Variants in TTN observed in about 807,000 individuals in gnomAD.
The protein encoded by TTN is connectin.
Under a neutral mutation model 3,223.0 loss-of-function variants are expected in TTN, and 1,525 were observed. The ratio of observed to expected loss-of-function variants is 0.47; its 90% confidence interval spans 0.45 to 0.49. The LOEUF is 0.49. Ranked by LOEUF, TTN falls within the 20% of genes least tolerant of loss-of-function variation. The probability of loss-of-function intolerance (pLI) is 0.00; values close to 1 mark genes in which losing one functional copy is unlikely to be tolerated. For synonymous variants in TTN, 14,094 were observed against 15,161.0 expected, an observed-to-expected ratio of 0.93 and a Z score of 5.17; for missense variants, 40,786 against 43,424.0, an observed-to-expected ratio of 0.94 and a Z score of 5.40.
chr2:178,575,528 G>A lies in TTN; in HGVS notation c.70604C>T (p.Pro23535Leu). 6.2e-7 allele frequency: 1 copy of A among 1,613,682 alleles called. No individual in the cohort carries two copies. The highest frequency in any genetic ancestry group is 1.7e-5 in the Admixed American group (1 of 60,008). The change falls in exon 326 of 363, where the codon CCA (proline) becomes CTA (leucine). Residue 23535 changes from proline to leucine, a missense_variant. Coordinates refer to ENST00000589042, the MANE Select transcript of TTN (RefSeq NM_001267550.2). The surrounding 1 kb of genome is among the most constrained non-coding windows in gnomAD (Gnocchi z 4.0). ...EPVKASEAPS[P>L]PDSLNIMDIT... The stretch of plus-strand genomic sequence containing the variant: ...GTCCATGATGTTAAGGCTGTCTGGT[G>A]GAGATGGTGCTTCAGAGGCTTTTAC...
In TTN at chr2:178,646,577, A is replaced by G; in HGVS notation, c.40223-18T>C. ...TTCACGTTCTTTAAAGAATGTTGAC[A>G]AAGGAGATGAGGTTGCAATGTAAAG... On this transcript the variant is annotated intron_variant, in intron 215 of 362. Transcript: ENST00000589042. 2.0e-6 allele frequency: 3 copies of G among 1,473,944 alleles called. No individual in the cohort carries two copies. Among genetic ancestry groups the G allele is most frequent in the East Asian group, 2.5e-5 (1 of 40,372 alleles). 91.3% of individuals were successfully genotyped at this position (1,473,944 alleles called of 1,614,324 possible).
Position 178,667,380 on chromosome 2 carries a change from A to C in TTN, c.35714-61T>G, listed in dbSNP as rs2066148263. On this transcript the variant is annotated intron_variant, in intron 161 of 362. Transcript: ENST00000589042. Reference sequence around the variant, plus strand: ...GTAAAAACAGTAAATTATAAAAAGCATGCAATGTTTGAGTCATAAAGCTAA... The same window carrying C: ...GTAAAAACAGTAAATTATAAAAAGCCTGCAATGTTTGAGTCATAAAGCTAA... 12 of 1,571,918 alleles carry C rather than the reference A, an allele frequency of 7.6e-6. No homozygotes were observed. In the South Asian group the frequency reaches 1.3e-4, roughly 17 times the overall value.
rs1452074226 is a variant in TTN at position 178,693,941 on chromosome 2, C to T, written c.31494G>A (p.Glu10498=). ...TTATACCTGTGACTGACACCTCCTC[C>T]TCTGTGTGAGAAGCAAAGAACATCT... is the stretch of plus-strand genomic sequence containing the variant. ...EEKMFFASHT[E]EEVSVTVPEV... Residue 10498 remains glutamate, a synonymous_variant, in exon 118 of 363, where the codon GAG becomes GAA. Coordinates refer to ENST00000589042, the MANE Select transcript of TTN (RefSeq NM_001267550.2). 2.5e-6 allele frequency: 4 copies of T among 1,613,016 alleles called. No homozygotes were observed. The highest frequency in any genetic ancestry group is 3.4e-6 in the Non-Finnish European group (4 of 1,179,382).
chr2:178,683,067 A>G, intron 134 of TTN, 144 bp downstream of exon 134: 1 of 928,858 alleles, frequency 1.1e-6, no homozygotes, highest in African/African-American at 1.7e-5. Flanking sequence ...CATAGAGTAT[A>G]TTTAGCAATT....
Position 178,747,201 on chromosome 2 carries a change from C to T in TTN, c.11312-5280G>A, listed in dbSNP as rs746630029. ...GTGGAGTATCTCTCTAGAGTCTCTC[C>T]TGGAGGTGTGGAGTATCTCTCTAGT... On this transcript the variant is annotated intron_variant, in intron 47 of 362. Transcript: ENST00000589042. The T allele has an allele frequency of 3.1e-6, 5 of 1,611,342 alleles. No individual in the cohort carries two copies. The African/African-American group carries it at 6.7e-5, about 22-fold the overall frequency.
At position 178,776,978 on chromosome 2, in the gene TTN, G is replaced by A; in HGVS notation, c.4886C>T (p.Thr1629Ile). Residue 1629 changes from threonine to isoleucine, a missense_variant, in exon 28 of 363, where the codon ACT becomes ATT. By Grantham distance (89) the Thr-to-Ile change is moderately conservative (BLOSUM62 -1). Coordinates refer to ENST00000589042, the MANE Select transcript of TTN (RefSeq NM_001267550.2). ...STVSQDSAWY[T>I]ATAINKAGRD... ...GCCAGCTTTATTAATAGCAGTCGCA[G>A]TATACCAGGCAGAATCTTGGCTGAC... The A allele has an allele frequency of 6.2e-7, 1 of 1,614,020 alleles. No individual in the cohort carries two copies. The highest frequency in any genetic ancestry group is 8.5e-7 in the Non-Finnish European group (1 of 1,179,986).
chr2:178,697,332 C>A (rs140042826), intron 112 of TTN, among the ~76,000 whole-genome samples, 164 bp from the exon 113 acceptor site: 132 of 152,210 alleles, frequency 8.7e-4, no homozygotes, highest in African/African-American at 2.0e-3. Flanking sequence ...ATTTCCAAAT[C>A]TAGCTCATTA....
At position 178,717,615 on chromosome 2, in the gene TTN, A is replaced by G; in HGVS notation, c.25259T>C (p.Leu8420Ser). Residue 8420 changes from leucine (L) to serine (S), a missense_variant, in exon 87 of 363, where the codon TTA becomes TCA. Coordinates refer to ENST00000589042, the MANE Select transcript of TTN (RefSeq NM_001267550.2). ...CCCTATGTGGCTCTGGTCAGTTTGT[A>G]AAATCTGAAGAGTTGCTACATTATG... ...FVHNVATLQI[L>S]QTDQSHIGQY... 2 of 1,613,314 alleles carry G rather than the reference A, an allele frequency of 1.2e-6. No individual in the cohort carries two copies. The highest frequency in any genetic ancestry group is 1.7e-6 in the Non-Finnish European group (2 of 1,179,544).
chr2:178,733,902 G>A lies in TTN; in HGVS notation c.15497-10C>T. ...ACAAAGGTTGGAGGTTCTAGTTAAG[G>A]AAAGAGAGCATATAAAACATATCAA... On this transcript the variant is annotated splice_polypyrimidine_tract_variant and intron_variant, in intron 52 of 362. Coordinates refer to ENST00000589042, the MANE Select transcript of TTN (RefSeq NM_001267550.2). 1.3e-6 allele frequency: 2 copies of A among 1,573,664 alleles called. No individual in the cohort carries two copies. The highest frequency in any genetic ancestry group is 1.7e-6 in the Non-Finnish European group (2 of 1,158,536).
chr2:178,768,875 A>G lies in TTN; in HGVS notation c.8961T>C (p.Thr2987=). 6.2e-7 allele frequency: 1 copy of G among 1,614,090 alleles called. No homozygotes were observed. The highest frequency in any genetic ancestry group is 8.5e-7 in the Non-Finnish European group (1 of 1,179,988). The part of the protein sequence containing the change: ...DINAEEKDTI[T]FEVTVNYEGI... ...CTTCATAGTTCACTGTCACCTCAAA[A>G]GTAATAGTGTCTTTTTCTTCAGCGT... The change falls in exon 38 of 363, where the codon ACT becomes ACC. Residue 2987 remains threonine, a synonymous_variant. Coordinates refer to ENST00000589042, the MANE Select transcript of TTN (RefSeq NM_001267550.2).
chr2:178,732,769 A>G, intron 55 of TTN, 51 bp from the exon 56 acceptor site: 1 of 1,564,098 alleles, frequency 6.4e-7, no homozygotes, highest in East Asian at 2.3e-5. Context: ...GGGTTGATCT[A>G]AGGGAAGATG....
chr2:178,575,914 G>C lies in TTN; in HGVS notation c.70218C>G (p.Asn23406Lys), dbSNP rs757600380. ...SFTLLIIPEC[N>K]RYDTGKFVMT... ...TGACAAATTTACCGGTATCATATCT[G>C]TTACATTCTGGGATAATCAGAAGAG... Residue 23406 changes from asparagine (N) to lysine (K), a missense_variant, in exon 326 of 363, where the codon AAC (asparagine) becomes AAG (lysine). Physicochemically the swap from Asn to Lys is moderately conservative, Grantham distance 94 (BLOSUM62 0). Transcript: ENST00000589042. This position sits in a 1 kb window ranked among gnomAD's most constrained non-coding sequence, Gnocchi z 4.0. The C allele has an allele frequency of 6.2e-7, 1 of 1,613,512 alleles. No individual in the cohort carries two copies. The highest frequency in any genetic ancestry group is 2.2e-5 in the East Asian group (1 of 44,824).
chr2:178,691,949 A>G, intron 121 of TTN, 67 bp downstream of exon 121: 2 of 1,331,280 alleles, frequency 1.5e-6, no homozygotes, highest in Admixed American at 2.0e-5. Flanking sequence ...AGTACATATG[A>G]AGATCGTAGA....
intron 343 of TTN, 23 bp downstream of exon 343, chr2:178,545,797 T>G: frequency 6.2e-7 from 1 of 1,605,144 alleles, no homozygotes; most frequent in South Asian, 1.1e-5. Flanking sequence ...ACTGTCAAAT[T>G]ATTTAAAAGT....
chr2:178,577,632 T>A lies in TTN; in HGVS notation c.68794A>T (p.Thr22932Ser). 3 of 1,612,004 alleles carry A rather than the reference T, an allele frequency of 1.9e-6. No individual in the cohort carries two copies. The highest frequency in any genetic ancestry group is 2.5e-6 in the Non-Finnish European group (3 of 1,179,042). Residue 22932 changes from threonine to serine, a missense_variant, in exon 323 of 363, where the codon ACA becomes TCA. Coordinates refer to ENST00000589042, the MANE Select transcript of TTN (RefSeq NM_001267550.2). ...AGAISAPSES[T>S]ETIICKDEYE... ...TCATCCTTGCAAATAATGGTTTCTGTACTTTCTGATGGAGCACTGATAGCA... is the reference window on the plus strand; with the variant it reads ...TCATCCTTGCAAATAATGGTTTCTGAACTTTCTGATGGAGCACTGATAGCA...
chr2:178,755,841 A>G (rs2086782769), intron 46 of TTN, among the ~76,000 whole-genome samples: 1 of 152,346 alleles, frequency 6.6e-6, no homozygotes, highest in South Asian at 2.1e-4. Flanking sequence ...TGCTATTAAA[A>G]CAATTAAACT....
At chr2:178,648,667 C>A (rs1461334010) in intron 213 of TTN, among the ~76,000 whole-genome samples, 1 of 152,168 alleles carries the variant, frequency 6.6e-6, no homozygotes, top group Non-Finnish European at 1.5e-5. Context: ...ACCTTGGCCT[C>A]CCCAAGTGTT....
chr2:178,627,850 G>A (rs898883331), intron 240 of TTN, among the ~76,000 whole-genome samples: 1 of 151,998 alleles, frequency 6.6e-6, no homozygotes, highest in Admixed American at 6.6e-5. Context: ...TATAAATCAT[G>A]AATTTGCAGA....
Position 178,727,235 on chromosome 2 carries a change from G to A in TTN, c.20130C>T (p.Ala6710=). 6.2e-7 allele frequency: 1 copy of A among 1,613,172 alleles called. No homozygotes were observed. The highest frequency in any genetic ancestry group is 8.5e-7 in the Non-Finnish European group (1 of 1,179,440). ...VWFRNEHELP[A]SDKYRMTFID... is the part of the protein sequence containing the mutation. The stretch of plus-strand genomic sequence containing the variant: ...TGAAAGTCATTCTGTACTTATCACT[G>A]GCTGGAAGTTCATGTTCATTTCGGA... The change falls in exon 69 of 363, where the codon GCC becomes GCT. Residue 6710 remains alanine (A), a synonymous_variant. Coordinates refer to ENST00000589042, the MANE Select transcript of TTN (RefSeq NM_001267550.2).
Sources: allele counts gnomAD v4.1 joint callset (sites outside exome capture counted in the v4.1 genomes callset), GRCh38; gene constraint gnomAD v4.1.1; non-coding constraint Gnocchi (gnomAD v3.1); transcripts MANE v1.5; gene names NCBI Gene and HGNC (gene_info 2026-07-23, HGNC 2026-07-21).